The following SPATA6L variants were observed in gnomAD, a reference collection of about 807,000 sequenced individuals.
SPATA6L encodes spermatogenesis associated 6-like protein.
SPATA6L carries 68 observed loss-of-function variants against 49.2 expected under a neutral mutation model. The observed-to-expected ratio is 1.38, with a 90% CI of 1.14 to 1.69. The LOEUF (loss-of-function observed/expected upper bound fraction) is 1.69, where lower values mean the gene tolerates loss of function less well. Among genes scored for constraint, SPATA6L ranks in the 40% most tolerant of loss-of-function variants. SPATA6L has a pLI of 0.00. For missense variants in SPATA6L, 668 were observed against 464.3 expected (o/e 1.44, Z -4.03); for synonymous variants, 198 against 165.7 (o/e 1.19, Z -1.50).
intron 3 of SPATA6L, among the ~76,000 whole-genome samples, chr9:4,650,350 G>A (rs908404481): frequency 6.6e-6 from 1 of 152,080 alleles, no homozygotes; most frequent in African/African-American, 2.4e-5. Context: ...ATTTCATAAA[G>A]CTTAAAAATG....
chr9:4,662,766 C>T lies in SPATA6L; in HGVS notation c.40-730G>A. On this transcript the variant is annotated intron_variant, in intron 1 of 11. Transcript: ENST00000682582. The surrounding 1 kb of genome is among the most constrained non-coding windows in gnomAD (Gnocchi z 4.9). ...AGAGAGCTCGTCGTGGGGCAGCGTG[C>T]GACCCCTTATGAAGCTGCTGGAGAT... 6.2e-7 allele frequency: 1 copy of T among 1,604,766 alleles called. No individual in the cohort carries two copies. Among genetic ancestry groups the T allele is most frequent in the Non-Finnish European group, 8.5e-7 (1 of 1,179,930 alleles).
rs1829528923 is a variant in SPATA6L, at chr9:4,622,399, C to G, written c.772+9G>C. The G allele has an allele frequency of 1.3e-6, 2 of 1,573,286 alleles. No individual in the cohort carries two copies. Among genetic ancestry groups the G allele is most frequent in the Non-Finnish European group, 1.7e-6 (2 of 1,143,322 alleles). Reference sequence around the variant, plus strand: ...GGAAATGTACAGGAGTAACAAGAAACTCGAGTACCTCTTCTCGTTGGAAAC... The same window carrying G: ...GGAAATGTACAGGAGTAACAAGAAAGTCGAGTACCTCTTCTCGTTGGAAAC... On this transcript the variant is annotated intron_variant, in intron 7 of 11. Transcript: ENST00000682582.
chr9:4,652,912 TG>T (rs1837261884), intron 3 of SPATA6L, among the ~76,000 whole-genome samples: 1 of 151,560 alleles, frequency 6.6e-6, no homozygotes, highest in African/African-American at 2.4e-5. Context: ...CCCACATTCA[TG>T]TTTCAAAAAT....
At chr9:4,606,699 C>T (rs1457161969) in intron 9 of SPATA6L, among the ~76,000 whole-genome samples, 2 of 135,480 alleles carry the variant, frequency 1.5e-5, no homozygotes, top group Non-Finnish European at 1.6e-5. Flanking sequence ...GGGGAAAAAA[C>T]AGAACAGAAA....
intron 3 of SPATA6L, among the ~76,000 whole-genome samples, chr9:4,636,906 C>G (rs528684663): frequency 1.3e-5 from 2 of 152,310 alleles, no homozygotes; most frequent in African/African-American, 4.8e-5. Flanking sequence ...ACCATGCATG[C>G]TCTCCTGCAT....
chr9:4,611,010 A>T (rs1401609326), intron 9 of SPATA6L, among the ~76,000 whole-genome samples: 5 of 148,742 alleles, frequency 3.4e-5, no homozygotes, highest in African/African-American at 5.0e-5. Flanking sequence ...CACTTCTCAA[A>T]AGAAGACATT....
In SPATA6L at chr9:4,603,504, G is replaced by A. The variant is rs559100687; in HGVS notation, c.*1+675C>T. ...AGGGTCAGGTGATACAGAGACAGCA[G>A]CAGGGTGGAGATGGGTAGGCAGGTT... On this transcript the variant is annotated intron_variant, in intron 11 of 11. Transcript: ENST00000682582. 3.9e-5 allele frequency among the ~76,000 whole-genome samples: 6 copies of A among 152,304 alleles called. No homozygotes were observed. The East Asian group carries it at 1.2e-3, about 29-fold the overall frequency.
rs553029685 is a variant in SPATA6L, at chr9:4,662,097, C to G, written c.40-61G>C. 6.3e-7 allele frequency: 1 copy of G among 1,586,770 alleles called. No individual in the cohort carries two copies. The highest frequency in any genetic ancestry group is 8.6e-7 in the Non-Finnish European group (1 of 1,165,948). On this transcript the variant is annotated intron_variant, in intron 1 of 11. Coordinates refer to ENST00000682582, the MANE Select transcript of SPATA6L (RefSeq NM_001353486.2). This position sits in a 1 kb window ranked among gnomAD's most constrained non-coding sequence, Gnocchi z 4.9. ...AAACAGACTTTGCTTTGTTTTGTTA[C>G]ACGGGGCTCTATTTCTCTTAAGCTC...
chr9:4,622,376 A>G (rs1258678627), intron 7 of SPATA6L, 32 bp downstream of exon 7: 1 of 1,330,740 alleles, frequency 7.5e-7, no homozygotes, highest in East Asian at 2.3e-5. Context: ...TGCCATAGGG[A>G]AATGTACAGG....
Position 4,598,425 on chromosome 9 carries a change from G to A in SPATA6L, c.*2386C>T, listed in dbSNP as rs923119574. On this transcript the variant is annotated 3_prime_UTR_variant, in exon 12 of 12. Transcript: ENST00000682582. ...ACTCCAAAAGCAAAATACTTCAACTGCAATCCTTGCCCCAGCATGATTCCT... is the reference window on the plus strand; with the variant it reads ...ACTCCAAAAGCAAAATACTTCAACTACAATCCTTGCCCCAGCATGATTCCT... Among the ~76,000 whole-genome samples the A allele has an allele frequency of 1.1e-4, 16 of 152,046 alleles. No individual in the cohort carries two copies. The highest frequency in any genetic ancestry group is 3.6e-4 in the African/African-American group (15 of 41,370).
intron 4 of SPATA6L, among the ~76,000 whole-genome samples, chr9:4,634,705 G>A (rs747679486): frequency 4.6e-5 from 7 of 152,174 alleles, no homozygotes; most frequent in Non-Finnish European, 8.8e-5. Flanking sequence ...TGTGGGAATA[G>A]AAATCGTCAA....
At chr9:4,651,336 T>G (rs75714025) in intron 3 of SPATA6L, among the ~76,000 whole-genome samples, 2,781 of 152,302 alleles carry the variant, frequency 0.018, 90 homozygotes, top group African/African-American at 0.064. Context: ...CTGAAGAGAC[T>G]TATAATGTGT....
chr9:4,658,426 A>T (rs973733130), intron 2 of SPATA6L, among the ~76,000 whole-genome samples: 4 of 152,354 alleles, frequency 2.6e-5, no homozygotes, highest in Middle Eastern at 6.8e-3. Flanking sequence ...AAACAGATAC[A>T]AGGAAGCTAA....
At chr9:4,606,422 T>G (rs1259780559) in intron 9 of SPATA6L, among the ~76,000 whole-genome samples, 1 of 81,126 alleles carries the variant, frequency 1.2e-5, no homozygotes, top group Non-Finnish European at 2.5e-5. Flanking sequence ...AAGAGAGCAG[T>G]GGTTCTCCCA....
At chr9:4,650,554 C>G (rs1836583498) in intron 3 of SPATA6L, among the ~76,000 whole-genome samples, 1 of 152,210 alleles carries the variant, frequency 6.6e-6, no homozygotes, top group South Asian at 2.1e-4. Flanking sequence ...ATCAATAAAA[C>G]TGACAAACCT....
rs1022189274 is a variant in SPATA6L, at chr9:4,644,252, A to G, written c.227-8853T>C. Among the ~76,000 whole-genome samples the G allele has an allele frequency of 2.7e-5, 4 of 146,754 alleles. No homozygotes were observed. The East Asian group carries it at 8.1e-4, about 30-fold the overall frequency. ...GGGCATGGTGCATGCCTGTAGTTCC[A>G]GCTACTGGGAGGCTGAGGCAGGAGA... On this transcript the variant is annotated intron_variant, in intron 3 of 11. Coordinates refer to ENST00000682582, the MANE Select transcript of SPATA6L (RefSeq NM_001353486.2).
At chr9:4,632,829 C>G (rs1051379453) in intron 4 of SPATA6L, among the ~76,000 whole-genome samples, 3 of 152,128 alleles carry the variant, frequency 2.0e-5, no homozygotes, top group Admixed American at 2.0e-4. Context: ...GAGGAAATAC[C>G]TGCCAAAGGA....
exon 14 of SPATA6L, chr9:4,588,903 T>C (rs2129925696): frequency 6.6e-6 from 1 of 152,256 alleles, no homozygotes; most frequent in East Asian, 1.9e-4. Context: ...GCTTGGCTTA[T>C]ACTCAGGCAG....
At chr9:4,651,812 G>A (rs760100400) in intron 3 of SPATA6L, among the ~76,000 whole-genome samples, 20 of 152,076 alleles carry the variant, frequency 1.3e-4, no homozygotes, top group Admixed American at 6.6e-5. Flanking sequence ...ACCTGATATA[G>A]AGCACTTATA....
Sources: allele counts gnomAD v4.1 joint callset (sites outside exome capture counted in the v4.1 genomes callset), GRCh38; gene constraint gnomAD v4.1.1; non-coding constraint Gnocchi (gnomAD v3.1); transcripts MANE v1.5; gene names NCBI Gene and HGNC (gene_info 2026-07-23, HGNC 2026-07-21).